NUMA1: variants seen among roughly 807,000 people sequenced by gnomAD.
The protein encoded by NUMA1 is nuclear mitotic apparatus protein 1, also known as SP-H antigen.
NUMA1 carries 62 observed loss-of-function variants against 237.1 expected under a neutral mutation model. That is an observed-to-expected ratio of 0.26 (90% CI 0.21 to 0.32). NUMA1 has a LOEUF of 0.32. Among genes scored for constraint, NUMA1 ranks in the 10% least tolerant of loss-of-function variants. The probability of loss-of-function intolerance (pLI) is 1.00; values close to 1 mark genes in which losing one functional copy is unlikely to be tolerated. For missense variants in NUMA1, 2,533 were observed against 2,666.5 expected, an observed-to-expected ratio of 0.95 and a Z score of 1.10; for synonymous variants, 1,028 against 1,066.1, an observed-to-expected ratio of 0.96 and a Z score of 0.70.
intron 12 of NUMA1, 152 bp downstream of exon 12, chr11:72,018,031 T>C (rs1470302724): frequency 6.4e-6 from 6 of 934,354 alleles, no homozygotes; most frequent in South Asian, 3.1e-5. Flanking sequence ...CCGCCAATTA[T>C]GGGATAAGGA....
Position 72,004,345 on chromosome 11 carries a change from T to C in NUMA1, c.6007-4A>G, listed in dbSNP as rs762205441. Reference sequence around the variant, plus strand: ...AACAGCTGGTGGCCTTCTTAGACTATGGAGAAGAGGACAGTTAGGCAGACA... The same window carrying C: ...AACAGCTGGTGGCCTTCTTAGACTACGGAGAAGAGGACAGTTAGGCAGACA... On this transcript the variant is annotated splice_polypyrimidine_tract_variant and splice_region_variant and intron_variant, in intron 24 of 26. Coordinates refer to ENST00000393695, the MANE Select transcript of NUMA1 (RefSeq NM_006185.4). 10 of 1,610,410 alleles carry C rather than the reference T, an allele frequency of 6.2e-6. No homozygotes were observed. Among genetic ancestry groups the C allele is most frequent in the Non-Finnish European group, 7.6e-6 (9 of 1,178,292 alleles).
intron 2 of NUMA1, among the ~76,000 whole-genome samples, chr11:72,063,514 C>T (rs911571932): frequency 2.7e-5 from 4 of 150,712 alleles, no homozygotes; most frequent in Non-Finnish European, 4.4e-5. Context: ...CTTCTCGCCT[C>T]AGCCTCCCAA....
In NUMA1 at chr11:72,063,968, C is replaced by A. The variant is rs563620546; in HGVS notation, c.-33+5874G>T. Among the ~76,000 whole-genome samples the A allele has an allele frequency of 6.8e-4, 100 of 146,726 alleles. 3 individuals carry two copies. Among genetic ancestry groups the A allele is most frequent in the Middle Eastern group, 7.3e-3 (2 of 274 alleles). ...CAAAAAGAATTAAAAAAAAAAAAAT[C>A]TCATGTTCTTTCATCAAATAATTCC... On this transcript the variant is annotated intron_variant, in intron 2 of 26. Transcript: ENST00000393695.
At chr11:72,064,423 G>A (rs989430827) in intron 2 of NUMA1, among the ~76,000 whole-genome samples, 21 of 151,700 alleles carry the variant, frequency 1.4e-4, no homozygotes, top group Admixed American at 2.6e-4. Context: ...GATTGCAACT[G>A]TACCACTGCA....
intron 2 of NUMA1, among the ~76,000 whole-genome samples, chr11:72,050,067 T>C (rs1468520658): frequency 1.3e-5 from 2 of 152,150 alleles, no homozygotes; most frequent in African/African-American, 2.4e-5. Flanking sequence ...TAATACTCTG[T>C]TGAAAGGAGG....
chr11:72,007,320 T>C lies in NUMA1; in HGVS notation c.5332A>G (p.Ile1778Val). ...ESLESLYFTP[I>V]PARSQAPLES... is the part of the protein sequence containing the mutation. ...AGGGGGGCCTGACTCCGAGCAGGGA[T>C]GGGAGTGAAGTAGAGACTCTCCAGG... The change falls in exon 21 of 27, where the codon ATC (isoleucine) becomes GTC (valine). Residue 1778 changes from isoleucine to valine, a missense_variant. By Grantham distance (29) the Ile-to-Val change is conservative (BLOSUM62 3). Coordinates refer to ENST00000393695, the MANE Select transcript of NUMA1 (RefSeq NM_006185.4). The C allele has an allele frequency of 1.9e-6, 3 of 1,613,378 alleles. No homozygotes were observed. The highest frequency in any genetic ancestry group is 2.5e-6 in the Non-Finnish European group (3 of 1,179,754).
rs149376560 is a variant in NUMA1, at chr11:72,048,297, A to C, written c.-32-12322T>G. On this transcript the variant is annotated intron_variant, in intron 2 of 26. Coordinates refer to ENST00000393695, the MANE Select transcript of NUMA1 (RefSeq NM_006185.4). ...ATTGTCTACAGCTGTTAAATAGGCAATCATTGAGTGAATGAATAAAAGCTA... is the reference window on the plus strand; with the variant it reads ...ATTGTCTACAGCTGTTAAATAGGCACTCATTGAGTGAATGAATAAAAGCTA... Among the ~76,000 whole-genome samples, 1,234 of 151,944 alleles carry C rather than the reference A, an allele frequency of 8.1e-3. 11 individuals carry two copies. The highest frequency in any genetic ancestry group is 0.028 in the African/African-American group (1,176 of 41,428).
Position 72,014,252 on chromosome 11 carries a change from C to T in NUMA1, c.3251G>A (p.Arg1084Gln), listed in dbSNP as rs1020071996. 6 of 1,613,984 alleles carry T rather than the reference C, an allele frequency of 3.7e-6. No homozygotes were observed. Among genetic ancestry groups the T allele is most frequent in the East Asian group, 2.2e-5 (1 of 44,884 alleles). The change falls in exon 15 of 27, where the codon CGG becomes CAG. Residue 1084 changes from arginine (R) to glutamine (Q), a missense_variant. Coordinates refer to ENST00000393695, the MANE Select transcript of NUMA1 (RefSeq NM_006185.4). This position sits in a 1 kb window ranked among gnomAD's most constrained non-coding sequence, Gnocchi z 4.6. Reference protein sequence around the residue: ...AAQIKELEELRQTVKQLKEQL... With the variant: ...AAQIKELEELQQTVKQLKEQL... ...TTCCTTCAGTTGCTTCACGGTTTGCCGAAGTTCCTCCAGCTCTTTTATCTG... is the reference window on the plus strand; with the variant it reads ...TTCCTTCAGTTGCTTCACGGTTTGCTGAAGTTCCTCCAGCTCTTTTATCTG...
chr11:72,015,066 A>G lies in NUMA1; in HGVS notation c.2437T>C (p.Trp813Arg). 1.2e-6 allele frequency: 2 copies of G among 1,614,086 alleles called. No homozygotes were observed. The highest frequency in any genetic ancestry group is 1.7e-6 in the Non-Finnish European group (2 of 1,180,034). Residue 813 changes from tryptophan to arginine, a missense_variant, in exon 15 of 27, where the codon TGG (tryptophan) becomes CGG (arginine). Transcript: ENST00000393695. This position sits in a 1 kb window ranked among gnomAD's most constrained non-coding sequence, Gnocchi z 4.0. Reference protein sequence around the residue: ...CEQLVKEVAAWRERYEDSQQE... With the variant: ...CEQLVKEVAARRERYEDSQQE... ...TGGCTATCCTCATACCGCTCACGCC[A>G]GGCAGCTACTTCTTTGACGAGCTGC... is the stretch of plus-strand genomic sequence containing the variant.
rs1938077855 is a variant in NUMA1, at chr11:72,017,783, G to A, written c.1023C>T (p.Leu341=). 2 of 1,611,842 alleles carry A rather than the reference G, an allele frequency of 1.2e-6. No individual in the cohort carries two copies. Reference sequence around the variant, plus strand: ...TGCTGTGCTCCTCCGTCAGCTCATTGAGGGCATCCTGTAGCTGCTGCAGAT... The same window carrying A: ...TGCTGTGCTCCTCCGTCAGCTCATTAAGGGCATCCTGTAGCTGCTGCAGAT... ...ASHLQQLQDA[L]NELTEEHSKA... Residue 341 remains leucine (L), a synonymous_variant, in exon 13 of 27, where the codon CTC becomes CTT. Coordinates refer to ENST00000393695, the MANE Select transcript of NUMA1 (RefSeq NM_006185.4).
At chr11:72,051,600 T>C (rs1942365171) in intron 2 of NUMA1, among the ~76,000 whole-genome samples, 1 of 151,964 alleles carries the variant, frequency 6.6e-6, no homozygotes, top group Admixed American at 6.6e-5. Context: ...GCCTCCCAAG[T>C]AGCTGGGGCT....
chr11:72,009,157 G>A lies in NUMA1; in HGVS notation c.4868C>T (p.Ala1623Val), dbSNP rs1287135947. ...CAGCTCTTGGTTCTGCTGCTTCTTG[G>A]CATCATAATGTGTTTTGGCTTTCTC... ...QMEKAKTHYD[A>V]KKQQNQELQE... The change falls in exon 19 of 27, where the codon GCC (alanine) becomes GTC (valine). Residue 1623 changes from alanine to valine, a missense_variant. This residue lies in a region of NUMA1 where 795 missense variants were observed against 750.8 expected (regional missense o/e 1.06). Coordinates refer to ENST00000393695, the MANE Select transcript of NUMA1 (RefSeq NM_006185.4). 2 of 1,378,766 alleles carry A rather than the reference G, an allele frequency of 1.5e-6. No homozygotes were observed. The highest frequency in any genetic ancestry group is 9.6e-7 in the Non-Finnish European group (1 of 1,042,532). 85.4% of individuals were successfully genotyped at this position (1,378,766 alleles called of 1,614,324 possible). A position where few individuals can be genotyped will look rare whatever the true frequency, so the allele number is the denominator to read the frequency against.
intron 4 of NUMA1, among the ~76,000 whole-genome samples, chr11:72,027,263 G>A (rs1939704724): frequency 6.6e-6 from 1 of 152,184 alleles, no homozygotes; most frequent in Admixed American, 6.5e-5. Flanking sequence ...AAATTAAACA[G>A]AGAGTTAGGT....
chr11:72,055,382 G>C (rs887182903), intron 2 of NUMA1, among the ~76,000 whole-genome samples: 1 of 152,058 alleles, frequency 6.6e-6, no homozygotes, highest in Non-Finnish European at 1.5e-5. Context: ...CAGCTAAAAA[G>C]CAACCGGGCC....
intron 3 of NUMA1, among the ~76,000 whole-genome samples, chr11:72,031,171 G>C (rs1940254913): frequency 6.6e-6 from 1 of 151,926 alleles, no homozygotes; most frequent in Non-Finnish European, 1.5e-5. Context: ...ATGGTGACAT[G>C]TGCCTGTAAG....
intron 2 of NUMA1, among the ~76,000 whole-genome samples, chr11:72,053,020 C>A (rs1401845857): frequency 1.3e-5 from 2 of 152,184 alleles, no homozygotes; most frequent in Non-Finnish European, 2.9e-5. Flanking sequence ...AATACAAATT[C>A]TGGGTTTATA....
chr11:72,074,700 C>A (rs1475362260), intron 1 of NUMA1, among the ~76,000 whole-genome samples: 2 of 152,186 alleles, frequency 1.3e-5, no homozygotes, highest in African/African-American at 4.8e-5. Flanking sequence ...GATGACGCCA[C>A]TGCACTCCAG....
rs116829094 is a variant in NUMA1, at chr11:72,079,209, G to A, written c.-103+1249C>T. ...GGATACAGTGACGAAAAAGTCTCTCGTTATCTAGAAGGGCAGACAAACACG... is the reference window on the plus strand; with the variant it reads ...GGATACAGTGACGAAAAAGTCTCTCATTATCTAGAAGGGCAGACAAACACG... On this transcript the variant is annotated intron_variant, in intron 1 of 26. Coordinates refer to ENST00000393695, the MANE Select transcript of NUMA1 (RefSeq NM_006185.4). 4.3e-3 allele frequency among the ~76,000 whole-genome samples: 662 copies of A among 152,248 alleles called. 2 individuals are homozygous for A. Among genetic ancestry groups the A allele is most frequent in the African/African-American group, 0.015 (632 of 41,526 alleles).
At chr11:72,043,907 G>A (rs1941843974) in intron 2 of NUMA1, among the ~76,000 whole-genome samples, 1 of 152,118 alleles carries the variant, frequency 6.6e-6, no homozygotes, top group South Asian at 2.1e-4. Context: ...CAGCCTGGGT[G>A]CCAGAGCAAG....
Sources: gnomAD v4.1 joint callset for allele counts (sites outside exome capture counted in the v4.1 genomes callset) on GRCh38, gnomAD v4.1.1 for gene constraint, gnomAD v4.1.1 regional missense constraint, Gnocchi (gnomAD v3.1) non-coding constraint, MANE v1.5 for transcripts, NCBI Gene and HGNC (gene_info 2026-07-23, HGNC 2026-07-21) for gene names.